PDSS2: variants seen among roughly 807,000 people sequenced by gnomAD.
The protein encoded by PDSS2 is all trans-polyprenyl-diphosphate synthase PDSS2.
Under a neutral mutation model 44.5 loss-of-function variants are expected in PDSS2, and 31 were observed. That is an observed-to-expected ratio of 0.70 (90% CI 0.52 to 0.94). The LOEUF is 0.94. PDSS2 is among the 40% of genes least tolerant of loss of function. The probability of loss-of-function intolerance (pLI) is 0.00; values close to 1 mark genes in which losing one functional copy is unlikely to be tolerated. For missense variants in PDSS2, 452 were observed against 482.2 expected (o/e 0.94, Z 0.59); for synonymous variants, 157 against 180.3 (o/e 0.87, Z 1.03).
intron 3 of PDSS2, among the ~76,000 whole-genome samples, chr6:107,254,035 CTTT>C (rs72372732): frequency 1.5e-5 from 2 of 132,424 alleles, no homozygotes. Context: ...TTCTTTCTTT[CTTT>C]TTTTTTTTTT....
intron 1 of PDSS2, among the ~76,000 whole-genome samples, chr6:107,397,649 T>C (rs1484449437): frequency 6.6e-6 from 1 of 152,216 alleles, no homozygotes; most frequent in Non-Finnish European, 1.5e-5. Context: ...GAACAATGAA[T>C]AGACAAATTA....
intron 6 of PDSS2, among the ~76,000 whole-genome samples, chr6:107,204,285 C>T (rs1020494923): frequency 3.3e-5 from 5 of 152,156 alleles, no homozygotes; most frequent in African/African-American, 1.2e-4. Flanking sequence ...CAGCATGTAT[C>T]AATACCTCAT....
intron 7 of PDSS2, among the ~76,000 whole-genome samples, chr6:107,157,026 C>T (rs1770924810): frequency 6.6e-6 from 1 of 152,186 alleles, no homozygotes. Flanking sequence ...ACTCCATCTA[C>T]TATGCTGCCA....
chr6:107,158,007 G>T (rs1395709221), intron 7 of PDSS2, among the ~76,000 whole-genome samples: 1 of 151,938 alleles, frequency 6.6e-6, no homozygotes, highest in Non-Finnish European at 1.5e-5. Flanking sequence ...ACTTATCTAT[G>T]ACTTCATGAG....
At chr6:107,192,360 G>A in intron 7 of PDSS2, 1 of 513,834 alleles carries the variant, frequency 1.9e-6, no homozygotes, top group South Asian at 1.4e-5. Context: ...CCCAAAAGCT[G>A]CAGAGTCTGA....
In PDSS2 at chr6:107,391,028, C is replaced by G. The variant is rs1261464386; in HGVS notation, c.297-56696G>C. On this transcript the variant is annotated intron_variant, in intron 1 of 7. Coordinates refer to ENST00000369037, the MANE Select transcript of PDSS2 (RefSeq NM_020381.4). The stretch of plus-strand genomic sequence containing the variant: ...CAAAATAATGCTTCAAATAAGGTTC[C>G]TTGAACTGATGGGGGGAGGGTGGGG... Among the ~76,000 whole-genome samples, 3 of 148,532 alleles carry G rather than the reference C, an allele frequency of 2.0e-5. No individual in the cohort carries two copies. In the Admixed American group the frequency reaches 2.0e-4, roughly 10 times the overall value.
intron 7 of PDSS2, among the ~76,000 whole-genome samples, chr6:107,161,866 T>C (rs529321944): frequency 2.0e-5 from 3 of 152,236 alleles, no homozygotes; most frequent in Non-Finnish European, 4.4e-5. Flanking sequence ...GTTCTATCTA[T>C]ATGTGTGTCT....
At chr6:107,305,870 C>T (rs114878849) in intron 2 of PDSS2, among the ~76,000 whole-genome samples, 3 of 152,182 alleles carry the variant, frequency 2.0e-5, no homozygotes, top group Non-Finnish European at 2.9e-5. Context: ...CAGTCTAGTG[C>T]GGAGGGGCCT....
intron 1 of PDSS2, among the ~76,000 whole-genome samples, chr6:107,441,454 T>C (rs1176582991): frequency 1.3e-5 from 2 of 152,226 alleles, no homozygotes; most frequent in Non-Finnish European, 2.9e-5. Flanking sequence ...TTCCTCTACC[T>C]CATTATTTCC....
chr6:107,346,363 G>A (rs1022017288), intron 1 of PDSS2, among the ~76,000 whole-genome samples: 13 of 152,172 alleles, frequency 8.5e-5, no homozygotes, highest in Non-Finnish European at 2.9e-5. Context: ...ACAACTGTCC[G>A]TGAGGTGGTG....
At chr6:107,191,842 G>A (rs1772392176) in intron 7 of PDSS2, among the ~76,000 whole-genome samples, 1 of 152,052 alleles carries the variant, frequency 6.6e-6, no homozygotes, top group Admixed American at 6.6e-5. Context: ...GAACTTCTGG[G>A]CTCAAGTGGT....
At chr6:107,363,686 G>T (rs894548886) in intron 1 of PDSS2, among the ~76,000 whole-genome samples, 1 of 152,126 alleles carries the variant, frequency 6.6e-6, no homozygotes, top group African/African-American at 2.4e-5. Context: ...ATACTGGCTC[G>T]GGCAGCCTGC....
intron 1 of PDSS2, among the ~76,000 whole-genome samples, chr6:107,430,808 T>A (rs117590450): frequency 0.029 from 4,439 of 151,228 alleles, 102 homozygotes; most frequent in Admixed American, 0.055. Flanking sequence ...AAACTCCGTC[T>A]CAGAAAAAAA....
At chr6:107,383,025 G>C (rs1779499768) in intron 1 of PDSS2, among the ~76,000 whole-genome samples, 2 of 151,754 alleles carry the variant, frequency 1.3e-5, no homozygotes, top group Admixed American at 1.3e-4. Flanking sequence ...AACAGGGCTG[G>C]GTGCAGTGGC....
intron 1 of PDSS2, among the ~76,000 whole-genome samples, chr6:107,431,189 G>A (rs1781183201): frequency 6.6e-6 from 1 of 152,188 alleles, no homozygotes; most frequent in African/African-American, 2.4e-5. Context: ...GACCTCTTTG[G>A]AAGACACAGC....
intron 1 of PDSS2, among the ~76,000 whole-genome samples, chr6:107,404,553 T>C (rs1780246127): frequency 6.6e-6 from 1 of 152,154 alleles, no homozygotes; most frequent in Admixed American, 6.5e-5. Flanking sequence ...GGACTCACAA[T>C]CACGGCAGAA....
chr6:107,457,294 A>G (rs923917375), intron 1 of PDSS2, among the ~76,000 whole-genome samples: 2 of 152,226 alleles, frequency 1.3e-5, no homozygotes, highest in African/African-American at 4.8e-5. Context: ...ATGATATTAC[A>G]CCATCGTTTC....
At position 107,198,865 on chromosome 6, in the gene PDSS2, G is replaced by A. The variant is rs184067116; in HGVS notation, c.1009-5011C>T. Among the ~76,000 whole-genome samples the A allele has an allele frequency of 1.0e-3, 158 of 152,106 alleles. 1 individual carries two copies. Among genetic ancestry groups the A allele is most frequent in the East Asian group, 5.6e-3 (29 of 5,172 alleles). On this transcript the variant is annotated intron_variant, in intron 6 of 7. Coordinates refer to ENST00000369037, the MANE Select transcript of PDSS2 (RefSeq NM_020381.4). The stretch of plus-strand genomic sequence containing the variant: ...GCAAAAATCAGCCAGGCATGGTGGC[G>A]CGCACCTGTAATCCCAGCTACTTAG...
At chr6:107,396,935 T>A (rs1445736712) in intron 1 of PDSS2, among the ~76,000 whole-genome samples, 1 of 152,036 alleles carries the variant, frequency 6.6e-6, no homozygotes, top group Non-Finnish European at 1.5e-5. Flanking sequence ...CAAGTGATCC[T>A]CCCACCTTAG....
Sources: gnomAD v4.1 joint callset for allele counts (sites outside exome capture counted in the v4.1 genomes callset) on GRCh38, gnomAD v4.1.1 for gene constraint, MANE v1.5 for transcripts, NCBI Gene and HGNC (gene_info 2026-07-23, HGNC 2026-07-21) for gene names.